PIGK: variants seen among roughly 807,000 people sequenced by gnomAD.
The protein encoded by PIGK is phosphatidylinositol glycan anchor biosynthesis class K, also known as GPI-anchor transamidase.
Under a neutral mutation model 50.6 loss-of-function variants are expected in PIGK, and 42 were observed. That is an observed-to-expected ratio of 0.83 (90% CI 0.65 to 1.07). PIGK has a LOEUF of 1.07. Ranked by LOEUF, PIGK falls within the 50% of genes least tolerant of loss-of-function variation. PIGK has a pLI of 0.00. For missense variants in PIGK, 448 were observed against 488.7 expected (o/e 0.92, Z 0.78); for synonymous variants, 151 against 156.0 (o/e 0.97, Z 0.24).
intron 9 of PIGK, chr1:77,128,999 C>T: frequency 3.0e-6 from 2 of 677,116 alleles, no homozygotes; most frequent in Non-Finnish European, 5.4e-6. Flanking sequence ...CAGTGTTGCA[C>T]TATAACAGCA....
chr1:77,178,867 C>T (rs2100567418), intron 3 of PIGK, among the ~76,000 whole-genome samples: 1 of 152,322 alleles, frequency 6.6e-6, no homozygotes, highest in African/African-American at 2.4e-5. Context: ...GACTGACATG[C>T]TGAGACCAGA....
intron 3 of PIGK, among the ~76,000 whole-genome samples, chr1:77,180,398 G>C (rs1308647617): frequency 6.6e-6 from 1 of 152,018 alleles, no homozygotes; most frequent in Non-Finnish European, 1.5e-5. Flanking sequence ...AAAAATGGGA[G>C]GGCACATACA....
At chr1:77,106,899 A>C (rs1403886069) in intron 10 of PIGK, among the ~76,000 whole-genome samples, 1 of 152,126 alleles carries the variant, frequency 6.6e-6, no homozygotes, top group African/African-American at 2.4e-5. Flanking sequence ...GTATTCTCTG[A>C]TGGTAGTTTG....
chr1:77,187,194 T>A (rs1305761115), intron 3 of PIGK, among the ~76,000 whole-genome samples: 1 of 152,298 alleles, frequency 6.6e-6, no homozygotes, highest in East Asian at 1.9e-4. Flanking sequence ...TGGAATGGCC[T>A]TTTGAAGTCA....
chr1:77,198,929 A>T (rs1202157594), intron 3 of PIGK, among the ~76,000 whole-genome samples: 1 of 152,094 alleles, frequency 6.6e-6, no homozygotes, highest in Non-Finnish European at 1.5e-5. Flanking sequence ...CCATTCTAAA[A>T]AAGAATAAAG....
In PIGK at chr1:77,138,746, C is replaced by T. The variant is rs138862072; in HGVS notation, c.986+15703G>A. On this transcript the variant is annotated intron_variant, in intron 9 of 10. Transcript: ENST00000370812. ...ATTTAAGAACATGAACACCTTAATC[C>T]GTGAGGATCCTGAGGAACCTCAATT... is the stretch of plus-strand genomic sequence containing the variant. Among the ~76,000 whole-genome samples, 35 of 152,174 alleles carry T rather than the reference C, an allele frequency of 2.3e-4. 2 individuals are homozygous for T. In the East Asian group the frequency reaches 5.4e-3, roughly 24 times the overall value.
rs202028640 is a variant in PIGK at position 77,154,634 on chromosome 1, A to G, written c.814-13T>C. The G allele has an allele frequency of 1.6e-5, 24 of 1,546,696 alleles. No homozygotes were observed. The Admixed American group carries it at 2.6e-4, about 16-fold the overall frequency. On this transcript the variant is annotated splice_polypyrimidine_tract_variant and intron_variant, in intron 8 of 10. Transcript: ENST00000370812. ...GACATACCTGAAACTGAAAAAATAT[A>G]TAATAATAAATGCATGCATCCACAC... is the stretch of plus-strand genomic sequence containing the variant.
intron 3 of PIGK, among the ~76,000 whole-genome samples, chr1:77,182,830 C>G (rs1171725817): frequency 1.3e-5 from 2 of 152,156 alleles, no homozygotes; most frequent in Non-Finnish European, 2.9e-5. Flanking sequence ...TTTGACACAC[C>G]TGATTCCCTG....
In PIGK at chr1:77,211,406, G is replaced by T. The variant is rs916265692; in HGVS notation, c.94-917C>A. On this transcript the variant is annotated intron_variant, in intron 1 of 10. Transcript: ENST00000370812. ...TACATAAAGGTTGTACTATAAAGTT[G>T]TAACTTTCAAAATCTCCTTTTAGGT... Among the ~76,000 whole-genome samples, 59 of 151,914 alleles carry T rather than the reference G, an allele frequency of 3.9e-4. 1 individual carries two copies. The highest frequency in any genetic ancestry group is 1.4e-3 in the African/African-American group (56 of 41,478).
intron 3 of PIGK, among the ~76,000 whole-genome samples, chr1:77,204,640 T>G (rs776584633): frequency 1.3e-5 from 2 of 151,994 alleles, no homozygotes; most frequent in Non-Finnish European, 2.9e-5. Context: ...CTTTAAAATT[T>G]CTCCCTTTTG....
intron 2 of PIGK, among the ~76,000 whole-genome samples, chr1:77,207,478 A>G (rs1656315421): frequency 6.6e-6 from 1 of 152,244 alleles, no homozygotes; most frequent in Admixed American, 6.5e-5. Context: ...AACGTAGGAC[A>G]CAGGATAAAA....
chr1:77,214,623 T>C (rs912767532), intron 1 of PIGK, among the ~76,000 whole-genome samples: 4 of 152,096 alleles, frequency 2.6e-5, no homozygotes, highest in Admixed American at 6.5e-5. Context: ...ACCACTCTTA[T>C]CAACATACCA....
chr1:77,096,377 A>G (rs1653405314), intron 10 of PIGK, among the ~76,000 whole-genome samples: 1 of 152,144 alleles, frequency 6.6e-6, no homozygotes, highest in South Asian at 2.1e-4. Context: ...GGTAGAATCT[A>G]TATCCCTATC....
intron 10 of PIGK, among the ~76,000 whole-genome samples, chr1:77,113,917 A>G (rs979694667): frequency 5.3e-5 from 8 of 152,072 alleles, no homozygotes; most frequent in African/African-American, 1.9e-4. Context: ...CATGTCTTAA[A>G]CCCTCTTTGG....
At chr1:77,134,370 A>G (rs1654451400) in intron 9 of PIGK, among the ~76,000 whole-genome samples, 1 of 152,196 alleles carries the variant, frequency 6.6e-6, no homozygotes. Flanking sequence ...TTGCTTAGTA[A>G]TTTAGTTTCC....
chr1:77,163,843 T>A lies in PIGK; in HGVS notation c.584+3A>T. The A allele has an allele frequency of 1.3e-6, 2 of 1,546,844 alleles. No homozygotes were observed. The highest frequency in any genetic ancestry group is 1.8e-6 in the Non-Finnish European group (2 of 1,122,256). On this transcript the variant is annotated splice_donor_region_variant and intron_variant, in intron 6 of 10. Transcript: ENST00000370812. ...TTATGAAAAGAAGTAATTTGCTAAT[T>A]ACCGTCTTTTCTGCCACATTTGTTC...
intron 1 of PIGK, among the ~76,000 whole-genome samples, chr1:77,212,009 T>C (rs1656432238): frequency 6.6e-6 from 1 of 152,084 alleles, no homozygotes; most frequent in African/African-American, 2.4e-5. Flanking sequence ...CAGTATCCAT[T>C]CTTACTAGGT....
chr1:77,114,588 C>A (rs1347765675), intron 10 of PIGK, among the ~76,000 whole-genome samples: 1 of 151,812 alleles, frequency 6.6e-6, no homozygotes, highest in East Asian at 1.9e-4. Context: ...TGTAGGTGGA[C>A]CAAAAATTTT....
intron 3 of PIGK, among the ~76,000 whole-genome samples, chr1:77,180,316 G>A (rs980951278): frequency 6.6e-6 from 1 of 152,136 alleles, no homozygotes; most frequent in Non-Finnish European, 1.5e-5. Flanking sequence ...TGTATAGCAA[G>A]TGTAGTTACA....
Sources: allele counts gnomAD v4.1 joint callset (sites outside exome capture counted in the v4.1 genomes callset), GRCh38; gene constraint gnomAD v4.1.1; transcripts MANE v1.5; gene names NCBI Gene and HGNC (gene_info 2026-07-23, HGNC 2026-07-21).